Variants in DGKH observed in about 807,000 individuals in gnomAD.
The protein encoded by DGKH is diacylglycerol kinase eta.
DGKH carries 90 observed loss-of-function variants against 159.3 expected under a neutral mutation model. The observed-to-expected ratio is 0.57, with a 90% CI of 0.48 to 0.67. The LOEUF is 0.67. Ranked by LOEUF, DGKH falls within the 30% of genes least tolerant of loss-of-function variation. The pLI is 0.00. For synonymous variants in DGKH, 536 were observed against 553.8 expected (o/e 0.97, Z 0.45); for missense variants, 1,181 against 1,506.1 (o/e 0.78, Z 3.57).
chr13:42,200,150 C>T (rs1021484649), intron 20 of DGKH, among the ~76,000 whole-genome samples: 4 of 152,108 alleles, frequency 2.6e-5, no homozygotes, highest in African/African-American at 4.8e-5. Flanking sequence ...TGGTGCCCCA[C>T]GTAAAAGTGG....
chr13:42,148,040 G>A (rs145335349), intron 3 of DGKH, among the ~76,000 whole-genome samples: 2 of 152,280 alleles, frequency 1.3e-5, no homozygotes, highest in African/African-American at 2.4e-5. Flanking sequence ...TGAGCAGCAC[G>A]TGCAGTCTTT....
intron 3 of DGKH, among the ~76,000 whole-genome samples, chr13:42,142,106 C>G (rs866298963): frequency 5.9e-5 from 9 of 151,800 alleles, no homozygotes; most frequent in South Asian, 2.1e-4. Context: ...TTTCAGCTTT[C>G]TACATATGGC....
Position 42,214,532 on chromosome 13 carries a change from T to G in DGKH, c.3040T>G (p.Cys1014Gly), listed in dbSNP as rs767950203. ...GATATGTGACGCAGCCACAATTCAC[T>G]GTCTTTTGGAGCAAGAACTGGCCCA... ...TRICDAATIH[C>G]LLEQELAHAV... Residue 1014 changes from cysteine (C) to glycine (G), a missense_variant, in exon 25 of 30, where the codon TGT (cysteine) becomes GGT (glycine). Physicochemically the swap from Cys to Gly is radical, Grantham distance 159. Around this residue, in one of 5 missense-constraint regions of DGKH, gnomAD observed 335 missense variants for 495.2 expected, o/e 0.68. Transcript: ENST00000337343. 1 of 1,613,314 alleles carries G rather than the reference T, an allele frequency of 6.2e-7. No homozygotes were observed. The highest frequency in any genetic ancestry group is 1.3e-5 in the African/African-American group (1 of 74,900).
chr13:42,078,752 A>G (rs943981086), intron 1 of DGKH, among the ~76,000 whole-genome samples: 1 of 152,122 alleles, frequency 6.6e-6, no homozygotes, highest in African/African-American at 2.4e-5. Context: ...TTCATTCCAG[A>G]CATACTTTCT....
Position 42,221,377 on chromosome 13 carries a change from G to A in DGKH, c.3556G>A (p.Glu1186Lys). 1 of 1,613,570 alleles carries A rather than the reference G, an allele frequency of 6.2e-7. No homozygotes were observed. The highest frequency in any genetic ancestry group is 8.5e-7 in the Non-Finnish European group (1 of 1,179,618). Residue 1186 changes from glutamate to lysine, a missense_variant, in exon 29 of 30, where the codon GAA (glutamate) becomes AAA (lysine). Around this residue, in one of 5 missense-constraint regions of DGKH, gnomAD observed 84 missense variants for 77.9 expected, o/e 1.08. Transcript: ENST00000337343. ...CAGAGGGGCTGAACTTTTGCATCTGGAAAGGCGAGATCTTAAGGTATTTCC... is the reference window on the plus strand; with the variant it reads ...CAGAGGGGCTGAACTTTTGCATCTGAAAAGGCGAGATCTTAAGGTATTTCC... ...DIRGAELLHL[E>K]RRDLKDLGIP... is the part of the protein sequence containing the mutation.
intron 1 of DGKH, chr13:42,069,657 C>T (rs1181929915): frequency 1.6e-6 from 2 of 1,280,162 alleles, no homozygotes; most frequent in Non-Finnish European, 2.2e-6. Flanking sequence ...TTTGTTCTTT[C>T]CAATTGGAAA....
chr13:42,256,171 T>C (rs1193084227), intron 30 of DGKH: 7 of 1,209,846 alleles, frequency 5.8e-6, no homozygotes, highest in Non-Finnish European at 7.4e-6. Flanking sequence ...TCATGGGGAA[T>C]CATGTTGCTG....
chr13:42,101,506 G>T (rs1232649512), intron 1 of DGKH, among the ~76,000 whole-genome samples: 1 of 152,198 alleles, frequency 6.6e-6, no homozygotes, highest in Non-Finnish European at 1.5e-5. Flanking sequence ...TTGGCTAGTG[G>T]CTACGCTATC....
intron 1 of DGKH, chr13:42,070,305 T>TA (rs1485691611): frequency 2.8e-5 from 36 of 1,300,192 alleles, no homozygotes; most frequent in Non-Finnish European, 3.9e-5. Flanking sequence ...AAACTGGAAT[T>TA]ACGCTGAGAA....
At position 42,237,186 on chromosome 13, in the gene DGKH, G is replaced by A. The variant is rs1958432781; in HGVS notation, c.*7998G>A. 2 of 152,132 alleles carry A rather than the reference G, an allele frequency of 1.3e-5. No homozygotes were observed. The highest frequency in any genetic ancestry group is 4.8e-5 in the African/African-American group (2 of 41,430). 9.4% of individuals were successfully genotyped at this position (152,132 alleles called of 1,614,324 possible). A position where few individuals can be genotyped will look rare whatever the true frequency, so the allele number is the denominator to read the frequency against. Reference sequence around the variant, plus strand: ...TGTTTTCAAGGAAGAAGAAAAAACTGTTTTGACTTAATGTGAAGCAGGGGT... The same window carrying A: ...TGTTTTCAAGGAAGAAGAAAAAACTATTTTGACTTAATGTGAAGCAGGGGT... On this transcript the variant is annotated 3_prime_UTR_variant, in exon 30 of 30. Coordinates refer to ENST00000337343, the MANE Select transcript of DGKH (RefSeq NM_178009.5).
At chr13:42,087,746 A>ATTT (rs56389215) in intron 1 of DGKH, among the ~76,000 whole-genome samples, 1,747 of 142,384 alleles carry the variant, frequency 0.012, 49 homozygotes, top group African/African-American at 0.041. Flanking sequence ...TGCACTGCTC[A>ATTT]TTTTTTTTTT....
At chr13:42,112,840 G>C (rs1192458062) in intron 1 of DGKH, among the ~76,000 whole-genome samples, 1 of 152,186 alleles carries the variant, frequency 6.6e-6, no homozygotes, top group Non-Finnish European at 1.5e-5. Context: ...ACAGTGCGGG[G>C]ATGGACATAT....
chr13:42,167,128 C>G (rs1275325634), intron 9 of DGKH, among the ~76,000 whole-genome samples: 2 of 152,124 alleles, frequency 1.3e-5, no homozygotes, highest in Non-Finnish European at 2.9e-5. Context: ...CAAAGAAATA[C>G]TTTATTGATG....
chr13:42,174,515 G>A lies in DGKH; in HGVS notation c.1452+371G>A, dbSNP rs191092499. Among the ~76,000 whole-genome samples the A allele has an allele frequency of 2.2e-3, 337 of 152,246 alleles. 2 individuals carry two copies. The highest frequency in any genetic ancestry group is 3.6e-3 in the Non-Finnish European group (246 of 68,028). ...CTGCATGTTCTATCTGCCTGTTTCCGTTTTATCAGCAGAGCTCTAGGAAGG... is the reference window on the plus strand; with the variant it reads ...CTGCATGTTCTATCTGCCTGTTTCCATTTTATCAGCAGAGCTCTAGGAAGG... On this transcript the variant is annotated intron_variant, in intron 12 of 29. Transcript: ENST00000337343.
chr13:42,158,884 G>A (rs887211686), intron 5 of DGKH, among the ~76,000 whole-genome samples: 10 of 152,072 alleles, frequency 6.6e-5, no homozygotes, highest in Admixed American at 3.9e-4. Flanking sequence ...AAACACATTC[G>A]TATAATCAGC....
At chr13:42,120,338 T>C (rs1353439232) in intron 1 of DGKH, among the ~76,000 whole-genome samples, 1 of 152,230 alleles carries the variant, frequency 6.6e-6, no homozygotes, top group African/African-American at 2.4e-5. Flanking sequence ...AAATAATGTT[T>C]AATCATCTTG....
At chr13:42,184,948 C>A (rs1329744726) in intron 13 of DGKH, among the ~76,000 whole-genome samples, 2 of 151,314 alleles carry the variant, frequency 1.3e-5, no homozygotes, top group African/African-American at 4.9e-5. Context: ...TTTTTAATCT[C>A]TATGGGAAAA....
chr13:42,100,484 C>T (rs761731141), intron 1 of DGKH, among the ~76,000 whole-genome samples: 1 of 152,026 alleles, frequency 6.6e-6, no homozygotes, highest in Admixed American at 6.6e-5. Flanking sequence ...CTGTCTTTCA[C>T]GAAACCGGTC....
chr13:42,185,576 T>A (rs547104956), intron 13 of DGKH, among the ~76,000 whole-genome samples: 4 of 152,308 alleles, frequency 2.6e-5, no homozygotes, highest in Admixed American at 2.0e-4. Flanking sequence ...GACAAGATGA[T>A]GTTATAATAA....
Sources: gnomAD v4.1 joint callset for allele counts (sites outside exome capture counted in the v4.1 genomes callset) on GRCh38, gnomAD v4.1.1 for gene constraint, gnomAD v4.1.1 regional missense constraint, MANE v1.5 for transcripts, NCBI Gene and HGNC (gene_info 2026-07-23, HGNC 2026-07-21) for gene names.